CSMD1: variants seen among roughly 807,000 people sequenced by gnomAD.
The protein encoded by CSMD1 is CUB and Sushi multiple domains 1, also known as CUB and sushi domain-containing protein 1.
CSMD1 carries 213 observed loss-of-function variants against 417.5 expected under a neutral mutation model. The ratio of observed to expected loss-of-function variants is 0.51; its 90% CI spans 0.46 to 0.57. The LOEUF is 0.57. CSMD1 is among the 20% of genes least tolerant of loss of function. The pLI, the probability that CSMD1 is intolerant of heterozygous loss-of-function variation, is 0.00. For missense variants in CSMD1, 6,923 were observed against 4,529.7 expected (o/e 1.53, Z -15.17); for synonymous variants, 2,862 against 1,736.8 (o/e 1.65, Z -16.11).
chr8:4,113,984 A>G (rs1171629595), intron 3 of CSMD1, among the ~76,000 whole-genome samples: 1 of 152,226 alleles, frequency 6.6e-6, no homozygotes, highest in Non-Finnish European at 1.5e-5. Flanking sequence ...GTGAAGCAGC[A>G]AATGTCAATG....
At chr8:3,478,976 C>A (rs538166885) in intron 11 of CSMD1, among the ~76,000 whole-genome samples, 8 of 151,966 alleles carry the variant, frequency 5.3e-5, no homozygotes, top group Non-Finnish European at 1.0e-4. Context: ...GTGGTCCCTC[C>A]GACCTCCCTC....
intron 3 of CSMD1, among the ~76,000 whole-genome samples, chr8:4,043,916 G>C (rs947875881): frequency 6.6e-6 from 1 of 152,074 alleles, no homozygotes; most frequent in Non-Finnish European, 1.5e-5. Context: ...AATCTGTATA[G>C]ACCTATGATA....
At chr8:4,880,279 T>G (rs967587) in intron 1 of CSMD1, among the ~76,000 whole-genome samples, 147,730 of 152,114 alleles carry the variant, frequency 0.97, 71,770 homozygotes, top group East Asian at 1. Context: ...AAAATGAAGT[T>G]AGCTTTGGGG....
At chr8:4,548,233 G>A (rs750175674) in intron 2 of CSMD1, among the ~76,000 whole-genome samples, 24 of 152,200 alleles carry the variant, frequency 1.6e-4, no homozygotes, top group African/African-American at 4.8e-4. Flanking sequence ...AAAAATGTAC[G>A]TTGAGTGCAA....
intron 10 of CSMD1, among the ~76,000 whole-genome samples, chr8:3,533,591 AG>A: frequency 6.6e-6 from 1 of 152,310 alleles, no homozygotes; most frequent in East Asian, 1.9e-4. Flanking sequence ...TGAGAATCTC[AG>A]GGAAGCCCTT....
chr8:4,901,062 A>G (rs909850602), intron 1 of CSMD1, among the ~76,000 whole-genome samples: 2 of 152,244 alleles, frequency 1.3e-5, no homozygotes, highest in African/African-American at 4.8e-5. Flanking sequence ...AGGAGATTAC[A>G]CAGAGTTGAA....
intron 5 of CSMD1, among the ~76,000 whole-genome samples, chr8:3,807,815 A>G (rs1800831475): frequency 6.6e-6 from 1 of 152,138 alleles, no homozygotes; most frequent in Non-Finnish European, 1.5e-5. Flanking sequence ...ACAGACCCTC[A>G]CTGAGATCCT....
intron 1 of CSMD1, among the ~76,000 whole-genome samples, chr8:4,868,910 G>A (rs530622795): frequency 3.3e-5 from 5 of 151,940 alleles, no homozygotes; most frequent in Admixed American, 6.6e-5. Flanking sequence ...TTTCTAACAG[G>A]GCAATCACTC....
At position 3,142,576 on chromosome 8, in the gene CSMD1, A is replaced by G; in HGVS notation, c.6130T>C (p.Phe2044Leu). The change falls in exon 41 of 70, where the codon TTT (phenylalanine) becomes CTT (leucine). Residue 2044 changes from phenylalanine to leucine, a missense_variant. Coordinates refer to ENST00000635120, the MANE Select transcript of CSMD1 (RefSeq NM_033225.6). ...GCCGCGGGGAGATCCGTGCCGCTAA[A>G]TTGTCCAATCATGGGGCTGGTGTGG... is the stretch of plus-strand genomic sequence containing the variant. ...PYHTSPMIGQ[F>L]SGTDLPAALL... is the part of the protein sequence containing the mutation. The G allele has an allele frequency of 6.2e-7, 1 of 1,613,980 alleles. No individual in the cohort carries two copies. The highest frequency in any genetic ancestry group is 8.5e-7 in the Non-Finnish European group (1 of 1,179,894).
chr8:4,359,878 T>C (rs567883664), intron 3 of CSMD1, among the ~76,000 whole-genome samples: 3 of 152,312 alleles, frequency 2.0e-5, no homozygotes, highest in Non-Finnish European at 2.9e-5. Flanking sequence ...CACTACTAAA[T>C]TCTAAACAGC....
chr8:3,921,413 A>T (rs1177178586), intron 5 of CSMD1, among the ~76,000 whole-genome samples: 1 of 151,870 alleles, frequency 6.6e-6, no homozygotes, highest in African/African-American at 2.4e-5. Flanking sequence ...TCTAACTTGT[A>T]TTATTTTCTT....
chr8:3,123,683 T>G (rs1188389757), intron 41 of CSMD1, among the ~76,000 whole-genome samples: 1 of 152,184 alleles, frequency 6.6e-6, no homozygotes, highest in Non-Finnish European at 1.5e-5. Flanking sequence ...CAATAGAACC[T>G]CATCTTCATT....
chr8:4,673,097 C>T (rs1401431197), intron 1 of CSMD1, among the ~76,000 whole-genome samples: 1 of 151,994 alleles, frequency 6.6e-6, no homozygotes, highest in East Asian at 1.9e-4. Flanking sequence ...AACACACAAG[C>T]ATGGTGACAT....
At chr8:3,007,665 G>C (rs371818795) in intron 52 of CSMD1, among the ~76,000 whole-genome samples, 1 of 150,380 alleles carries the variant, frequency 6.6e-6, no homozygotes, top group Non-Finnish European at 1.5e-5. Flanking sequence ...GTAAACTATC[G>C]CAAGAACAAA....
intron 2 of CSMD1, among the ~76,000 whole-genome samples, chr8:4,490,961 G>C (rs62479711): frequency 0.071 from 10,766 of 152,262 alleles, 493 homozygotes; most frequent in South Asian, 0.11. Context: ...CAAGAGAACT[G>C]TTATGTGAAC....
chr8:4,701,515 G>T (rs1807549406), intron 1 of CSMD1, among the ~76,000 whole-genome samples: 1 of 151,882 alleles, frequency 6.6e-6, no homozygotes, highest in African/African-American at 2.4e-5. Flanking sequence ...CCTCCCAGAG[G>T]GACTGGGAAG....
At chr8:3,543,080 G>C (rs995244182) in intron 10 of CSMD1, among the ~76,000 whole-genome samples, 3 of 152,192 alleles carry the variant, frequency 2.0e-5, no homozygotes, top group African/African-American at 7.2e-5. Context: ...CCAGTGCAAA[G>C]GGAACCTGCT....
chr8:3,526,597 G>A (rs1797763935), intron 10 of CSMD1, among the ~76,000 whole-genome samples: 1 of 152,174 alleles, frequency 6.6e-6, no homozygotes, highest in African/African-American at 2.4e-5. Flanking sequence ...AGGGCAATGT[G>A]TGATCCTACA....
At chr8:3,249,599 TAC>T (rs36055410) in intron 26 of CSMD1, among the ~76,000 whole-genome samples, 6 of 152,106 alleles carry the variant, frequency 3.9e-5, no homozygotes, top group South Asian at 2.1e-4. Context: ...ATCGTATAAA[TAC>T]ACACACACAC....
Sources: gnomAD v4.1 joint callset for allele counts (sites outside exome capture counted in the v4.1 genomes callset) on GRCh38, gnomAD v4.1.1 for gene constraint, MANE v1.5 for transcripts, NCBI Gene and HGNC (gene_info 2026-07-23, HGNC 2026-07-21) for gene names.